Variants in C22orf23 observed in about 807,000 individuals in gnomAD.
C22orf23 encodes UPF0193 protein EVG1.
Under a neutral mutation model 29.7 loss-of-function variants are expected in C22orf23, and 30 were observed. That is an observed-to-expected ratio of 1.01 (90% CI 0.76 to 1.37). C22orf23 has a LOEUF of 1.37. Among genes scored for constraint, C22orf23 ranks in the 40% most tolerant of loss-of-function variants. The pLI is 0.00. For missense variants in C22orf23, 237 were observed against 273.1 expected (o/e 0.87, Z 0.93); for synonymous variants, 90 against 96.1 (o/e 0.94, Z 0.37).
Position 37,944,119 on chromosome 22 carries a change from G to T in C22orf23, c.*56C>A. ...GGCCTGAGGATGGCCCTGCCTGGCAGAGGAGTGGACTCCAGTGGTCGAGCT... is the reference window on the plus strand; with the variant it reads ...GGCCTGAGGATGGCCCTGCCTGGCATAGGAGTGGACTCCAGTGGTCGAGCT... On this transcript the variant is annotated 3_prime_UTR_variant, in exon 7 of 7. Coordinates refer to ENST00000403305, the MANE Select transcript of C22orf23 (RefSeq NM_032561.5). The T allele has an allele frequency of 6.6e-7, 1 of 1,519,190 alleles. No individual in the cohort carries two copies. Among genetic ancestry groups the T allele is most frequent in the Non-Finnish European group, 9.1e-7 (1 of 1,093,568 alleles). 94.1% of individuals were successfully genotyped at this position (1,519,190 alleles called of 1,614,324 possible).
At chr22:37,944,274 G>GT (rs1569154647) in intron 6 of C22orf23, 28 bp from the exon 7 acceptor site, 1 of 1,614,200 alleles carries the variant, frequency 6.2e-7, no homozygotes, top group Non-Finnish European at 8.5e-7. Flanking sequence ...GAAAGCAGGT[G>GT]TATCAGGGCT....
rs1021641684 is a variant in C22orf23 at position 37,952,893 on chromosome 22, C to G, written c.103+154G>C. ...GCACGCGAGGGATCTAGGTTGCACG[C>G]TCCTTATGAGAATCTAACTAATACC... On this transcript the variant is annotated intron_variant, in intron 2 of 6. Coordinates refer to ENST00000403305, the MANE Select transcript of C22orf23 (RefSeq NM_032561.5). 1.3e-5 allele frequency: 8 copies of G among 638,924 alleles called. No homozygotes were observed. In the African/African-American group the frequency reaches 1.3e-4, roughly 10 times the overall value. 39.6% of individuals were successfully genotyped at this position (638,924 alleles called of 1,614,324 possible). A position where few individuals can be genotyped will look rare whatever the true frequency, so the allele number is the denominator to read the frequency against.
Position 37,946,656 on chromosome 22 carries a change from G to A in C22orf23, c.349+625C>T, listed in dbSNP as rs1052137966. ...ACACTTTGGGAGGCCAGGGTGGGCG[G>A]ATCACTTGAGGCCAGGAGTTCAAGA... On this transcript the variant is annotated intron_variant, in intron 4 of 6. Coordinates refer to ENST00000403305, the MANE Select transcript of C22orf23 (RefSeq NM_032561.5). Among the ~76,000 whole-genome samples the A allele has an allele frequency of 5.9e-5, 9 of 151,468 alleles. No individual in the cohort carries two copies. In the East Asian group the frequency reaches 1.7e-3, roughly 29 times the overall value.
intron 5 of C22orf23, chr22:37,944,813 T>C: frequency 1.7e-6 from 1 of 575,974 alleles, no homozygotes; most frequent in Non-Finnish European, 3.0e-6. Context: ...GCAGGAGGGA[T>C]TGCTTGAACC....
chr22:37,944,463 C>G lies in C22orf23; in HGVS notation c.536G>C (p.Gly179Ala). ...GATTCCTCGGTACTGTTTGCCCTGT[C>G]CCAGGGCCTCCATGTCAGCCAGGAA... is the stretch of plus-strand genomic sequence containing the variant. ...KEFLADMEAL[G>A]QGKQYRGIIL... is the part of the protein sequence containing the mutation. Residue 179 changes from glycine to alanine, a missense_variant, in exon 6 of 7, where the codon GGA (glycine) becomes GCA (alanine). Gly to Ala is a moderately conservative substitution (Grantham distance 60, BLOSUM62 0). Coordinates refer to ENST00000403305, the MANE Select transcript of C22orf23 (RefSeq NM_032561.5). 1 of 1,614,178 alleles carries G rather than the reference C, an allele frequency of 6.2e-7. No homozygotes were observed. The highest frequency in any genetic ancestry group is 1.1e-5 in the South Asian group (1 of 91,088).
intron 4 of C22orf23, among the ~76,000 whole-genome samples, chr22:37,946,568 G>A (rs1192025299): frequency 2.2e-5 from 3 of 136,828 alleles, no homozygotes; most frequent in Non-Finnish European, 3.1e-5. Flanking sequence ...GAATGAGAGC[G>A]ACACTGTCTC....
Position 37,944,501 on chromosome 22 carries a change from C to G in C22orf23, c.498G>C (p.Gln166His). Residue 166 changes from glutamine to histidine, a missense_variant, in exon 6 of 7, where the codon CAG becomes CAC. Gln to His is a conservative substitution (Grantham distance 24, BLOSUM62 0). Coordinates refer to ENST00000403305, the MANE Select transcript of C22orf23 (RefSeq NM_032561.5). The part of the protein sequence containing the change: ...DRFEELVKEI[Q>H]ERKEFLADME... ...TGTCAGCCAGGAATTCTTTCCTCTCCTGGATTTCCTTCACCACTGGACAGA... is the reference window on the plus strand; with the variant it reads ...TGTCAGCCAGGAATTCTTTCCTCTCGTGGATTTCCTTCACCACTGGACAGA... 6.2e-7 allele frequency: 1 copy of G among 1,614,038 alleles called. No individual in the cohort carries two copies. Among genetic ancestry groups the G allele is most frequent in the Non-Finnish European group, 8.5e-7 (1 of 1,180,024 alleles).
intron 3 of C22orf23, among the ~76,000 whole-genome samples, chr22:37,948,389 G>T (rs901121590): frequency 3.3e-5 from 5 of 152,050 alleles, no homozygotes; most frequent in African/African-American, 1.2e-4. Flanking sequence ...GGTGGAGGTT[G>T]CAGTAAGCCA....
intron 2 of C22orf23, 50 bp from the exon 3 acceptor site, chr22:37,951,572 T>C: frequency 6.7e-7 from 1 of 1,503,410 alleles, no homozygotes; most frequent in Non-Finnish European, 9.3e-7. Context: ...GGCGGATGCC[T>C]TCACCTGACA....
chr22:37,950,351 A>G (rs1388978280), intron 3 of C22orf23, among the ~76,000 whole-genome samples: 2 of 151,936 alleles, frequency 1.3e-5, no homozygotes, highest in African/African-American at 4.8e-5. Flanking sequence ...ACCTCAGGTG[A>G]TCTGCCCGCC....
At chr22:37,950,008 C>T (rs1930921779) in intron 3 of C22orf23, among the ~76,000 whole-genome samples, 1 of 151,974 alleles carries the variant, frequency 6.6e-6, no homozygotes, top group Non-Finnish European at 1.5e-5. Flanking sequence ...TGTGTTTTGC[C>T]AGGCTGGTCT....
At position 37,943,114 on chromosome 22, in the gene C22orf23, G is replaced by A. The variant is rs929155217; in HGVS notation, c.*1061C>T. 2.0e-5 allele frequency: 3 copies of A among 151,966 alleles called. No homozygotes were observed. The highest frequency in any genetic ancestry group is 2.1e-4 in the South Asian group (1 of 4,808). 9.4% of individuals were successfully genotyped at this position (151,966 alleles called of 1,614,324 possible). ...ATTATGGGACTCCCTCCAGGTGCCC[G>A]AGACAAGGTTGATATTTCCAAAATA... On this transcript the variant is annotated 3_prime_UTR_variant, in exon 7 of 7. Coordinates refer to ENST00000403305, the MANE Select transcript of C22orf23 (RefSeq NM_032561.5).
rs773656173 is a variant in C22orf23 at position 37,945,168 on chromosome 22, A to G, written c.355T>C (p.Leu119=). The G allele has an allele frequency of 6.2e-7, 1 of 1,611,816 alleles. No homozygotes were observed. The highest frequency in any genetic ancestry group is 8.5e-7 in the Non-Finnish European group (1 of 1,179,174). ...EQFKPQATRD[L]EKEKQRLQNI... is the part of the protein sequence containing the mutation. ...TGGAGTCTTTGTTTCTCCTTCTCCA[A>G]ATCCCCTGTAGGGCCAAAAAGAAAT... The change falls in exon 5 of 7, where the codon TTG becomes CTG. Residue 119 remains leucine, a synonymous_variant. Transcript: ENST00000403305.
At chr22:37,951,736 TAAG>T in intron 2 of C22orf23, 1 of 298,760 alleles carries the variant, frequency 3.3e-6, no homozygotes, top group Non-Finnish European at 6.1e-6. Flanking sequence ...AGCTGTATGA[TAAG>T]AATTTTTGCT....
intron 2 of C22orf23, chr22:37,951,797 CT>C (rs551481283): frequency 0.043 from 1,645 of 38,310 alleles, 4 homozygotes; most frequent in Middle Eastern, 0.062. Flanking sequence ...TCCTCTTTCT[CT>C]TTTTTTTTTT....
At position 37,947,287 on chromosome 22, in the gene C22orf23, C is replaced by T. The variant is rs768138275; in HGVS notation, c.343G>A (p.Ala115Thr). 4 of 1,613,974 alleles carry T rather than the reference C, an allele frequency of 2.5e-6. No homozygotes were observed. The Admixed American group carries it at 6.7e-5, about 27-fold the overall frequency. ...AYSREQFKPQ[A>T]TRDLEKEKQR... ...AGCTGAGACCCTCACTTACTGGTGG[C>T]TTGAGGCTTGAACTGCTCCCGGCTG... The change falls in exon 4 of 7, where the codon GCC (alanine) becomes ACC (threonine). Residue 115 changes from alanine to threonine, a missense_variant. By Grantham distance (58) the Ala-to-Thr change is moderately conservative. Transcript: ENST00000403305.
chr22:37,951,056 CA>C, intron 3 of C22orf23: 1 of 163,674 alleles, frequency 6.1e-6, no homozygotes. Context: ...ACTAAAAATA[CA>C]AAAAATTAGC....
At chr22:37,948,780 T>C (rs1601850784) in intron 3 of C22orf23, among the ~76,000 whole-genome samples, 1 of 152,228 alleles carries the variant, frequency 6.6e-6, no homozygotes, top group East Asian at 1.9e-4. Flanking sequence ...TGTTCAAAGA[T>C]ATATGTGCAT....
chr22:37,947,532 T>G (rs1198457471), intron 3 of C22orf23, 69 bp from the exon 4 acceptor site: 1 of 1,213,332 alleles, frequency 8.2e-7, no homozygotes, highest in Non-Finnish European at 1.1e-6. Context: ...TTTTTTTGAG[T>G]CTGAGTCTTG....
Sources: gnomAD v4.1 joint callset for allele counts (sites outside exome capture counted in the v4.1 genomes callset) on GRCh38, gnomAD v4.1.1 for gene constraint, MANE v1.5 for transcripts, NCBI Gene and HGNC (gene_info 2026-07-23, HGNC 2026-07-21) for gene names.